STK11: variants seen among roughly 807,000 people sequenced by gnomAD.
STK11 encodes serine/threonine kinase 11.
Under a neutral mutation model 47.3 loss-of-function variants are expected in STK11, and 8 were observed. That is an observed-to-expected ratio of 0.17 (90% CI 0.10 to 0.31). The LOEUF (loss-of-function observed/expected upper bound fraction) is 0.31. Ranked by LOEUF, STK11 falls within the 10% of genes least tolerant of loss-of-function variation. The pLI, the probability that STK11 is intolerant of heterozygous loss-of-function variation, is 1.00. For synonymous variants in STK11, 330 were observed against 255.8 expected (o/e 1.29, Z -2.77); for missense variants, 475 against 605.0 (o/e 0.79, Z 2.25).
intron 7 of STK11, among the ~76,000 whole-genome samples, chr19:1,222,659 G>A (rs1177867438): frequency 3.3e-5 from 5 of 152,222 alleles, no homozygotes; most frequent in Non-Finnish European, 5.9e-5. Context: ...AGCCTCCTGG[G>A]CTGGGATGTG....
Position 1,227,682 on chromosome 19 carries a change from G to C in STK11, c.*106G>C, listed in dbSNP as rs1480456886. 9.4e-7 allele frequency: 1 copy of C among 1,069,346 alleles called. No individual in the cohort carries two copies. The highest frequency in any genetic ancestry group is 1.1e-6 in the Non-Finnish European group (1 of 881,814). 66.2% of individuals were successfully genotyped at this position (1,069,346 alleles called of 1,614,324 possible). ...GCCCTCCCGGAGAGGTGGCCGCCAT[G>C]CTTCTGTGCCGACCACGCCCCAGGA... On this transcript the variant is annotated 3_prime_UTR_variant, in exon 10 of 10. Coordinates refer to ENST00000326873, the MANE Select transcript of STK11 (RefSeq NM_000455.5).
intron 6 of STK11, 180 bp downstream of exon 6, chr19:1,221,520 C>G: frequency 1.0e-6 from 1 of 973,664 alleles, no homozygotes; most frequent in Non-Finnish European, 1.5e-6. Context: ...TCAGCTCCAC[C>G]CTGCTTCTGG....
chr19:1,211,556 G>A (rs942466134), intron 1 of STK11, among the ~76,000 whole-genome samples: 6 of 152,216 alleles, frequency 3.9e-5, no homozygotes, highest in African/African-American at 1.4e-4. Flanking sequence ...CCCGCCTTGT[G>A]GAGCCTCCGC....
chr19:1,218,563 C>T (rs2145421050), intron 2 of STK11, 63 bp downstream of exon 2: 2 of 1,409,890 alleles, frequency 1.4e-6, no homozygotes, highest in Non-Finnish European at 2.0e-6. Flanking sequence ...CTGGGTCCGC[C>T]TGCCTCGAGG....
intron 3 of STK11, among the ~76,000 whole-genome samples, 164 bp downstream of exon 3, chr19:1,219,577 A>G (rs572626132): frequency 8.0e-5 from 12 of 150,894 alleles, no homozygotes; most frequent in Admixed American, 5.9e-4. Flanking sequence ...ATGGAGTCTC[A>G]CTCTGTCGCC....
At chr19:1,224,883 C>G in intron 8 of STK11, 2 of 985,694 alleles carry the variant, frequency 2.0e-6, no homozygotes, top group South Asian at 9.4e-5. Context: ...GGGACAGGCT[C>G]AACTTCAGGC....
In STK11 at chr19:1,227,964, A is replaced by G. The variant is rs886054223; in HGVS notation, c.*388A>G. On this transcript the variant is annotated 3_prime_UTR_variant, in exon 10 of 10. Coordinates refer to ENST00000326873, the MANE Select transcript of STK11 (RefSeq NM_000455.5). ...GCCGCAGACCAGCTGGCGGGTGTGG[A>G]GACCAGGCTCCTGACCCCGCCATGC... 1.6e-5 allele frequency: 17 copies of G among 1,069,472 alleles called. No homozygotes were observed. In the East Asian group the frequency reaches 7.7e-4, roughly 49 times the overall value. The allele number at this position is 1,069,472 out of a possible 1,614,324, so 66.2% of individuals were successfully genotyped here.
In STK11 at chr19:1,227,586, C is replaced by G; in HGVS notation, c.*17-7C>G. ...CTGACCTCTTCCGTCTTCCTTCCAC[C>G]CTGCAGCCCGTGTCCAGGAGCCCCG... On this transcript the variant is annotated splice_region_variant and splice_polypyrimidine_tract_variant and intron_variant, in intron 9 of 9. Coordinates refer to ENST00000326873, the MANE Select transcript of STK11 (RefSeq NM_000455.5). 9.4e-7 allele frequency: 1 copy of G among 1,064,416 alleles called. No homozygotes were observed. Among genetic ancestry groups the G allele is most frequent in the African/African-American group, 1.6e-5 (1 of 61,040 alleles). 65.9% of individuals were successfully genotyped at this position (1,064,416 alleles called of 1,614,324 possible).
chr19:1,211,372 G>A (rs1256433971), intron 1 of STK11, among the ~76,000 whole-genome samples: 1 of 152,104 alleles, frequency 6.6e-6, no homozygotes, highest in African/African-American at 2.4e-5. Context: ...GGAAGGGCTG[G>A]AAAGGGTCGC....
chr19:1,215,339 A>G (rs1014392624), intron 1 of STK11, among the ~76,000 whole-genome samples: 4 of 152,234 alleles, frequency 2.6e-5, no homozygotes, highest in South Asian at 2.1e-4. Context: ...CTCAGCGAGC[A>G]GACCAGGCCT....
intron 9 of STK11, chr19:1,226,943 C>CCGAGGGCA: frequency 2.2e-6 from 1 of 447,784 alleles, no homozygotes; most frequent in Non-Finnish European, 3.9e-6. Context: ...TGGGTGCATT[C>CCGAGGGCA]CGAGGACCCT....
chr19:1,228,376 G>A lies in STK11; in HGVS notation c.*800G>A, dbSNP rs1234360287. On this transcript the variant is annotated 3_prime_UTR_variant, in exon 10 of 10. Transcript: ENST00000326873. ...CAGACGCGGCGGGGACTCGGAGGGTGCCGTGCGGGCGAGGCCGCCCAAATT... is the reference window on the plus strand; with the variant it reads ...CAGACGCGGCGGGGACTCGGAGGGTACCGTGCGGGCGAGGCCGCCCAAATT... 8.6e-6 allele frequency: 2 copies of A among 233,898 alleles called. No individual in the cohort carries two copies. The highest frequency in any genetic ancestry group is 1.7e-5 in the Non-Finnish European group (2 of 119,544). 14.5% of individuals were successfully genotyped at this position (233,898 alleles called of 1,614,324 possible). A position where few individuals can be genotyped will look rare whatever the true frequency, so the allele number is the denominator to read the frequency against.
chr19:1,225,948 C>T (rs953426218), intron 8 of STK11: 25 of 992,740 alleles, frequency 2.5e-5, no homozygotes, highest in Non-Finnish European at 2.8e-5. Flanking sequence ...CTGGGGGCAG[C>T]TGGGGGCCCT....
At chr19:1,226,791 C>T (rs1031206905) in intron 9 of STK11, 128 bp downstream of exon 9, 5 of 1,207,092 alleles carry the variant, frequency 4.1e-6, no homozygotes, top group Admixed American at 3.1e-5. Context: ...TGCCATGTGG[C>T]CTTTGGGTGG....
At chr19:1,222,919 T>C (rs1395382883) in intron 7 of STK11, 66 bp from the exon 8 acceptor site, 10 of 1,477,022 alleles carry the variant, frequency 6.8e-6, no homozygotes, top group Middle Eastern at 4.4e-4. Flanking sequence ...CCAGAGGAGC[T>C]GGGTCGGAAA....
rs938535486 is a variant in STK11 at position 1,206,804 on chromosome 19, T to C, written c.-110T>C. The C allele has an allele frequency of 2.9e-6, 4 of 1,365,354 alleles. No homozygotes were observed. Among genetic ancestry groups the C allele is most frequent in the Middle Eastern group, 2.6e-4 (1 of 3,838 alleles). 84.6% of individuals were successfully genotyped at this position (1,365,354 alleles called of 1,614,324 possible). On this transcript the variant is annotated 5_prime_UTR_variant, in exon 1 of 10. Coordinates refer to ENST00000326873, the MANE Select transcript of STK11 (RefSeq NM_000455.5). Reference sequence around the variant, plus strand: ...TTTTGGGGTTTTTGTTGCCTTTTTTTTTTCTTTTTTCTTTGTAAAATTTTG... The same window carrying C: ...TTTTGGGGTTTTTGTTGCCTTTTTTCTTTCTTTTTTCTTTGTAAAATTTTG...
In STK11 at chr19:1,206,585, C is replaced by G. The variant is rs889606970; in HGVS notation, c.-329C>G. ...AGCCCCGGCCGGCCTCCCCAGGGTC[C>G]CCGAGGACGAAGTTGACCCTGACCG... On this transcript the variant is annotated 5_prime_UTR_variant, in exon 1 of 10. Transcript: ENST00000326873. The G allele has an allele frequency of 4.7e-6, 2 of 427,822 alleles. No homozygotes were observed. The highest frequency in any genetic ancestry group is 3.4e-5 in the South Asian group (1 of 29,670). The allele number at this position is 427,822 out of a possible 1,614,324, so 26.5% of individuals were successfully genotyped here.
intron 1 of STK11, among the ~76,000 whole-genome samples, chr19:1,209,127 G>T (rs1294464181): frequency 1.1e-5 from 1 of 88,012 alleles, no homozygotes; most frequent in Non-Finnish European, 2.9e-5. Flanking sequence ...TGGAGCAGTT[G>T]CCTGTGCCTG....
intron 7 of STK11, 44 bp downstream of exon 7, chr19:1,222,050 C>T: frequency 2.6e-6 from 4 of 1,549,340 alleles, no homozygotes; most frequent in Non-Finnish European, 3.5e-6. Context: ...TGCAGGGAGG[C>T]CGGCCATGTG....
Sources: gnomAD v4.1 joint callset for allele counts (sites outside exome capture counted in the v4.1 genomes callset) on GRCh38, gnomAD v4.1.1 for gene constraint, MANE v1.5 for transcripts, NCBI Gene and HGNC (gene_info 2026-07-23, HGNC 2026-07-21) for gene names.